The following FBLN7 variants were observed in gnomAD, a reference collection of about 807,000 sequenced individuals.
FBLN7 encodes fibulin-7.
Under a neutral mutation model 44.0 loss-of-function variants are expected in FBLN7, and 31 were observed. The ratio of observed to expected loss-of-function variants is 0.70; its 90% CI spans 0.53 to 0.95. FBLN7 has a LOEUF of 0.95. Among genes scored for constraint, FBLN7 ranks in the 40% least tolerant of loss-of-function variants. The pLI is 0.00. For missense variants in FBLN7, 573 were observed against 618.5 expected (o/e 0.93, Z 0.78); for synonymous variants, 262 against 253.4 (o/e 1.03, Z -0.32).
the FBLN7 span, among the ~76,000 whole-genome samples, chr2:112,217,322 A>C: frequency 1.3e-5 from 2 of 152,196 alleles, no homozygotes; most frequent in Admixed American, 6.5e-5. Flanking sequence ...GCAGTGAGCA[A>C]AGATCGTGCC....
chr2:112,154,319 G>A (rs1388007134), intron 1 of FBLN7, among the ~76,000 whole-genome samples: 1 of 152,204 alleles, frequency 6.6e-6, no homozygotes, highest in Non-Finnish European at 1.5e-5. Flanking sequence ...CATTTGAGGG[G>A]ATCTCTCTAA....
chr2:112,222,624 G>A, the FBLN7 span, among the ~76,000 whole-genome samples: 9 of 152,140 alleles, frequency 5.9e-5, no homozygotes, highest in African/African-American at 2.2e-4. Flanking sequence ...TGACAGAAAT[G>A]TCTGTCAAAA....
At chr2:112,156,527 CT>C (rs1253119579) in intron 1 of FBLN7, among the ~76,000 whole-genome samples, 1 of 152,140 alleles carries the variant, frequency 6.6e-6, no homozygotes, top group Non-Finnish European at 1.5e-5. Context: ...CAGAGCCCCC[CT>C]TTTTTAAGGA....
At chr2:112,218,365 G>A in the FBLN7 span, among the ~76,000 whole-genome samples, 1 of 152,106 alleles carries the variant, frequency 6.6e-6, no homozygotes, top group Non-Finnish European at 1.5e-5. Context: ...TAGTGGAAAT[G>A]CCTCTACTGT....
At chr2:112,232,067 T>C in the FBLN7 span, 2 of 495,090 alleles carry the variant, frequency 4.0e-6, no homozygotes, top group Non-Finnish European at 3.4e-6. Context: ...CTCATGCCTG[T>C]AGGAGGCGGA....
At chr2:112,236,758 A>C in the FBLN7 span, 4 of 1,437,688 alleles carry the variant, frequency 2.8e-6, no homozygotes, top group African/African-American at 5.7e-5. Flanking sequence ...ACTTTTAAGA[A>C]GTACGGGGCC....
chr2:112,163,808 T>C (rs1468892394), intron 2 of FBLN7, among the ~76,000 whole-genome samples: 1 of 152,238 alleles, frequency 6.6e-6, no homozygotes, highest in East Asian at 1.9e-4. Flanking sequence ...AACTCTGAGC[T>C]GTCTTGATCC....
At chr2:112,235,827 G>C in the FBLN7 span, among the ~76,000 whole-genome samples, 1 of 151,742 alleles carries the variant, frequency 6.6e-6, no homozygotes, top group African/African-American at 2.4e-5. Flanking sequence ...CAGGATGAGG[G>C]ACTTTAGTAG....
chr2:112,181,482 G>GGCC (rs1558894294), intron 4 of FBLN7, among the ~76,000 whole-genome samples: 1 of 152,158 alleles, frequency 6.6e-6, no homozygotes, highest in Non-Finnish European at 1.5e-5. Flanking sequence ...GTCCTTCTCG[G>GGCC]GGTGCGGCTT....
intron 2 of FBLN7, among the ~76,000 whole-genome samples, chr2:112,164,006 C>T (rs1415081363): frequency 6.6e-6 from 1 of 152,154 alleles, no homozygotes; most frequent in Non-Finnish European, 1.5e-5. Flanking sequence ...GTGAGGCCTG[C>T]CCTGACCACT....
chr2:112,182,692 G>C, intron 5 of FBLN7, 99 bp from the exon 6 acceptor site: 2 of 1,442,454 alleles, frequency 1.4e-6, no homozygotes, highest in Non-Finnish European at 1.8e-6. Flanking sequence ...AACTGCAGCT[G>C]CCACTGCCTC....
intron 1 of FBLN7, among the ~76,000 whole-genome samples, chr2:112,153,828 G>A (rs1036365595): frequency 7.2e-5 from 11 of 152,308 alleles, no homozygotes; most frequent in South Asian, 4.1e-4. Flanking sequence ...TGGACCCGCC[G>A]GAGTAAACAC....
At chr2:112,181,502 C>T (rs1372964896) in intron 4 of FBLN7, among the ~76,000 whole-genome samples, 1 of 152,142 alleles carries the variant, frequency 6.6e-6, no homozygotes, top group East Asian at 1.9e-4. Context: ...TGGTGGCCTG[C>T]ATTTTCCTGC....
intron 7 of FBLN7, 66 bp downstream of exon 7, chr2:112,185,405 C>A: frequency 6.4e-7 from 1 of 1,565,948 alleles, no homozygotes; most frequent in Non-Finnish European, 8.7e-7. Flanking sequence ...TGGATGCTTC[C>A]TAGAGGTTCT....
the FBLN7 span, among the ~76,000 whole-genome samples, chr2:112,225,555 G>GC: frequency 6.6e-6 from 1 of 152,228 alleles, no homozygotes; most frequent in African/African-American, 2.4e-5. Context: ...AGTGGCTCAT[G>GC]CCTGTAATCC....
downstream of FBLN7, chr2:112,188,793 T>C (rs1683385973): frequency 6.6e-6 from 1 of 152,232 alleles, no homozygotes; most frequent in Non-Finnish European, 1.5e-5. Flanking sequence ...TGGACAAAGG[T>C]TGAGACACAG....
In FBLN7 at chr2:112,159,837, T is replaced by G; in HGVS notation, c.235+2T>G. 1 of 1,536,474 alleles carries G rather than the reference T, an allele frequency of 6.5e-7. No homozygotes were observed. Among genetic ancestry groups the G allele is most frequent in the Admixed American group, 2.0e-5 (1 of 48,786 alleles). On this transcript the variant is annotated splice_donor_variant, in intron 2 of 7. Coordinates refer to ENST00000331203, the MANE Select transcript of FBLN7 (RefSeq NM_153214.3). LOFTEE classifies it high-confidence loss of function. ...GGGTGGGCCCAGATGCCCTTCCAGGTGGGTCCCCACGTCGGCACCGCTGGG... is the reference window on the plus strand; with the variant it reads ...GGGTGGGCCCAGATGCCCTTCCAGGGGGGTCCCCACGTCGGCACCGCTGGG...
rs530426780 is a variant in FBLN7, at chr2:112,160,013, C to T, written c.235+178C>T. Reference sequence around the variant, plus strand: ...TATTTATTTATTTATTTTTTTGAGACGGAGTCTCGCTCTGTCGCCCAGGCT... The same window carrying T: ...TATTTATTTATTTATTTTTTTGAGATGGAGTCTCGCTCTGTCGCCCAGGCT... On this transcript the variant is annotated intron_variant, in intron 2 of 7. Transcript: ENST00000331203. Among the ~76,000 whole-genome samples, 42 of 151,602 alleles carry T rather than the reference C, an allele frequency of 2.8e-4. No individual in the cohort carries two copies. The South Asian group carries it at 6.3e-3, about 23-fold the overall frequency.
intron 3 of FBLN7, among the ~76,000 whole-genome samples, chr2:112,170,545 AAAAG>A (rs1176277077): frequency 1.1e-3 from 160 of 139,848 alleles, no homozygotes; most frequent in African/African-American, 4.2e-3. Flanking sequence ...AAAAAAAAAA[AAAAG>A]AAAAGAAAAG....
Sources: gnomAD v4.1 joint callset for allele counts (sites outside exome capture counted in the v4.1 genomes callset) on GRCh38, gnomAD v4.1.1 for gene constraint, MANE v1.5 for transcripts, NCBI Gene and HGNC (gene_info 2026-07-23, HGNC 2026-07-21) for gene names.